Variants in ZNF322 observed in about 807,000 individuals in gnomAD.
The protein encoded by ZNF322 is HLA complex group 12.
ZNF322 carries 1 observed loss-of-function variant against 18.3 expected under a neutral mutation model. The observed-to-expected ratio is 0.05, with a 90% CI of 0.02 to 0.26. ZNF322 has a LOEUF of 0.26. Among genes scored for constraint, ZNF322 ranks in the 10% least tolerant of loss-of-function variants. The probability of loss-of-function intolerance (pLI) is 1.00; values close to 1 mark genes in which losing one functional copy is unlikely to be tolerated. For synonymous variants in ZNF322, 17 were observed against 130.7 expected, an observed-to-expected ratio of 0.13 and a Z score of 5.93; for missense variants, 36 against 403.6, an observed-to-expected ratio of 0.09 and a Z score of 7.80.
intron 2 of ZNF322, among the ~76,000 whole-genome samples, chr6:26,645,493 G>T (rs1443773498): frequency 3.3e-5 from 5 of 152,092 alleles, no homozygotes; most frequent in African/African-American, 1.2e-4. Flanking sequence ...AGCCATTTAG[G>T]GTTCAATACT....
chr6:26,652,207 TA>T (rs1554149259), intron 2 of ZNF322, among the ~76,000 whole-genome samples: 2 of 152,136 alleles, frequency 1.3e-5, no homozygotes, highest in African/African-American at 4.8e-5. Context: ...ACTTTAAAAT[TA>T]AAAATGTCTG....
chr6:26,658,172 A>G (rs1203566702), intron 2 of ZNF322, among the ~76,000 whole-genome samples: 1 of 152,158 alleles, frequency 6.6e-6, no homozygotes, highest in Non-Finnish European at 1.5e-5. Flanking sequence ...TGGATCTTAT[A>G]GATGGAAAAC....
At chr6:26,653,244 G>GAAAC (rs569209589) in intron 2 of ZNF322, among the ~76,000 whole-genome samples, 1 of 152,170 alleles carries the variant, frequency 6.6e-6, no homozygotes, top group African/African-American at 2.4e-5. Flanking sequence ...ACACTGTAAG[G>GAAAC]AAACAAACAA....
At chr6:26,653,792 T>C (rs1443040717) in intron 2 of ZNF322, among the ~76,000 whole-genome samples, 1 of 152,144 alleles carries the variant, frequency 6.6e-6, no homozygotes, top group Non-Finnish European at 1.5e-5. Context: ...GAGTCACATT[T>C]CTCTGAGAAT....
intron 2 of ZNF322, chr6:26,651,247 G>GT: frequency 1.1e-5 from 1 of 93,166 alleles, no homozygotes; most frequent in Non-Finnish European, 2.2e-5. Flanking sequence ...ACATTCACAT[G>GT]CAAAAAAAAA....
At chr6:26,644,009 G>T (rs576744567) in intron 2 of ZNF322, among the ~76,000 whole-genome samples, 1 of 152,262 alleles carries the variant, frequency 6.6e-6, no homozygotes, top group South Asian at 2.1e-4. Flanking sequence ...CTAAATCTTG[G>T]TGGTATCTTG....
intron 2 of ZNF322, among the ~76,000 whole-genome samples, chr6:26,658,145 G>A (rs558649596): frequency 1.3e-5 from 2 of 152,170 alleles, no homozygotes; most frequent in African/African-American, 2.4e-5. Flanking sequence ...TATGAAATAG[G>A]TATTAATACC....
At chr6:26,650,825 T>A (rs13201782) in intron 2 of ZNF322, among the ~76,000 whole-genome samples, 7,846 of 152,278 alleles carry the variant, frequency 0.052, 277 homozygotes, top group Non-Finnish European at 0.082. Flanking sequence ...CATCCATGGA[T>A]AAGAAGATTC....
intron 2 of ZNF322, among the ~76,000 whole-genome samples, chr6:26,649,668 T>A (rs1466793579): frequency 2.2e-5 from 1 of 44,588 alleles, no homozygotes; most frequent in Admixed American, 2.3e-4. Context: ...TGTGTGTGTG[T>A]GTGTGTGTAT....
chr6:26,649,681 A>G (rs1364184398), intron 2 of ZNF322, among the ~76,000 whole-genome samples: 8,149 of 32,986 alleles, frequency 0.25, 673 homozygotes, highest in Non-Finnish European at 0.27. Context: ...GTGTGTATAT[A>G]TATATATATA....
chr6:26,641,543 G>A (rs926694513), intron 3 of ZNF322, among the ~76,000 whole-genome samples: 1 of 152,172 alleles, frequency 6.6e-6, no homozygotes, highest in Admixed American at 6.5e-5. Context: ...GAAAAAGGAA[G>A]ACATAAGAAA....
intron 2 of ZNF322, among the ~76,000 whole-genome samples, chr6:26,655,287 T>C (rs1289181254): frequency 6.6e-6 from 1 of 152,220 alleles, no homozygotes; most frequent in Non-Finnish European, 1.5e-5. Flanking sequence ...GATTAGATAA[T>C]AGTACTTATT....
At chr6:26,658,094 T>C (rs1381188293) in intron 2 of ZNF322, among the ~76,000 whole-genome samples, 11 of 152,136 alleles carry the variant, frequency 7.2e-5, no homozygotes, top group Admixed American at 3.3e-4. Context: ...TTATTTTTCA[T>C]TGATTACATG....
chr6:26,651,559 T>A (rs1346471594), intron 2 of ZNF322: 1 of 152,178 alleles, frequency 6.6e-6, no homozygotes, highest in Non-Finnish European at 1.5e-5. Flanking sequence ...TAAAAATACA[T>A]TGCATATTTG....
At chr6:26,653,604 A>T (rs533356527) in intron 2 of ZNF322, among the ~76,000 whole-genome samples, 53 of 152,330 alleles carry the variant, frequency 3.5e-4, no homozygotes, top group African/African-American at 1.2e-3. Flanking sequence ...TTATAAATTT[A>T]AAAAAGCAAA....
chr6:26,641,399 C>T (rs2451747), intron 3 of ZNF322, among the ~76,000 whole-genome samples: 68,820 of 151,504 alleles, frequency 0.45, 15,931 homozygotes, highest in East Asian at 0.67. Flanking sequence ...GCAAGGCTAA[C>T]AAGAATAGGG....
intron 2 of ZNF322, among the ~76,000 whole-genome samples, chr6:26,657,024 G>A (rs1554149770): frequency 2.0e-5 from 3 of 152,142 alleles, no homozygotes; most frequent in East Asian, 1.9e-4. Flanking sequence ...CGAGGCTGGC[G>A]GATCACAAGG....
chr6:26,645,140 G>T (rs1765533651), intron 2 of ZNF322, among the ~76,000 whole-genome samples: 1 of 152,060 alleles, frequency 6.6e-6, no homozygotes, highest in Non-Finnish European at 1.5e-5. Flanking sequence ...AAAAAAAAAG[G>T]AAAATATCTC....
intron 2 of ZNF322, among the ~76,000 whole-genome samples, chr6:26,649,699 ATAT>A (rs1444345783): frequency 1.7e-4 from 11 of 66,598 alleles, no homozygotes; most frequent in African/African-American, 6.8e-4. Context: ...ATATATATAT[ATAT>A]TTTTTTTTTT....
Sources: gnomAD v4.1 joint callset for allele counts (sites outside exome capture counted in the v4.1 genomes callset) on GRCh38, gnomAD v4.1.1 for gene constraint, MANE v1.5 for transcripts, NCBI Gene and HGNC (gene_info 2026-07-23, HGNC 2026-07-21) for gene names.